CLSTN2: variants seen among roughly 807,000 people sequenced by gnomAD.
CLSTN2 encodes the protein calsyntenin-2.
CLSTN2 carries 48 observed loss-of-function variants against 101.2 expected under a neutral mutation model. The observed-to-expected ratio is 0.47, with a 90% confidence interval of 0.38 to 0.60. The LOEUF (loss-of-function observed/expected upper bound fraction) is 0.60. Among genes scored for constraint, CLSTN2 ranks in the 20% least tolerant of loss-of-function variants. The pLI, the probability that CLSTN2 is intolerant of heterozygous loss-of-function variation, is 0.00. For synonymous variants in CLSTN2, 481 were observed against 463.6 expected, an observed-to-expected ratio of 1.04 and a Z score of -0.48; for missense variants, 1,160 against 1,238.2, an observed-to-expected ratio of 0.94 and a Z score of 0.95.
chr3:140,304,115 T>G (rs2087088040), intron 2 of CLSTN2, among the ~76,000 whole-genome samples: 1 of 152,156 alleles, frequency 6.6e-6, no homozygotes, highest in Non-Finnish European at 1.5e-5. Flanking sequence ...AAACTCGCAG[T>G]GGGAAGATGA....
intron 2 of CLSTN2, among the ~76,000 whole-genome samples, chr3:140,395,544 A>G (rs960954347): frequency 2.0e-5 from 3 of 152,182 alleles, no homozygotes; most frequent in Non-Finnish European, 2.9e-5. Flanking sequence ...TCCCCAACCC[A>G]GATGTGTGAA....
At chr3:139,944,882 TC>T (rs966107739) in intron 1 of CLSTN2, among the ~76,000 whole-genome samples, 8 of 152,362 alleles carry the variant, frequency 5.3e-5, no homozygotes, top group Non-Finnish European at 1.0e-4. Context: ...AATACTCGCT[TC>T]CGCACATGCG....
chr3:140,150,543 G>T (rs1189246695), intron 1 of CLSTN2, among the ~76,000 whole-genome samples: 1 of 152,172 alleles, frequency 6.6e-6, no homozygotes, highest in Non-Finnish European at 1.5e-5. Context: ...GCTCAGAGAA[G>T]TACTTTACCC....
chr3:139,985,188 CT>C (rs2107825591), intron 1 of CLSTN2, among the ~76,000 whole-genome samples: 1 of 152,320 alleles, frequency 6.6e-6, no homozygotes, highest in African/African-American at 2.4e-5. Context: ...ATAAGATTAG[CT>C]CACATTCCTG....
intron 8 of CLSTN2, among the ~76,000 whole-genome samples, chr3:140,476,483 G>A (rs774306134): frequency 3.3e-5 from 5 of 152,190 alleles, no homozygotes; most frequent in Admixed American, 6.5e-5. Flanking sequence ...CAAAACATAC[G>A]TACTCCAAGA....
At chr3:140,541,907 G>T (rs967268384) in intron 9 of CLSTN2, among the ~76,000 whole-genome samples, 1 of 152,140 alleles carries the variant, frequency 6.6e-6, no homozygotes, top group Non-Finnish European at 1.5e-5. Flanking sequence ...CAGAGACTCA[G>T]CTCCAGGCCC....
rs1220044258 is a variant in CLSTN2, at chr3:140,240,164, CTCTCTCTCTCTATA to C, written c.232+64093_232+64106del. On this transcript the variant is annotated intron_variant, in intron 2 of 16. Coordinates refer to ENST00000458420, the MANE Select transcript of CLSTN2 (RefSeq NM_022131.3). ...TCTCTCTCTCTCTGTCTCTCTCTCTCTCTCTCTCTCTATATATATATATATATATATATATACAC... is the reference window on the plus strand; with the variant it reads ...TCTCTCTCTCTCTGTCTCTCTCTCTCTATATATATATATATATATATACAC... Among the ~76,000 whole-genome samples the C allele has an allele frequency of 3.3e-4, 6 of 18,056 alleles. No homozygotes were observed. In the East Asian group the frequency reaches 0.051, roughly 154 times the overall value. 11.8% of individuals were successfully genotyped at this position (18,056 alleles called of 152,430 possible).
intron 2 of CLSTN2, among the ~76,000 whole-genome samples, chr3:140,293,107 A>C (rs2086970019): frequency 6.6e-6 from 1 of 152,242 alleles, no homozygotes. Context: ...TAACAACAGC[A>C]TTCCCAGCCC....
At chr3:140,032,332 CTTTTTTTTTT>C (rs982523156) in intron 1 of CLSTN2, among the ~76,000 whole-genome samples, 2 of 120,386 alleles carry the variant, frequency 1.7e-5, no homozygotes, top group African/African-American at 3.1e-5. Context: ...CTAACAAGTA[CTTTTTTTTTT>C]TTTTTTTTTT....
intron 1 of CLSTN2, among the ~76,000 whole-genome samples, chr3:140,067,962 A>G (rs886210613): frequency 6.6e-6 from 1 of 152,258 alleles, no homozygotes; most frequent in Admixed American, 6.5e-5. Context: ...CACTGCGTGT[A>G]CGAGACTTCT....
chr3:140,556,270 C>T (rs1935788178), intron 10 of CLSTN2, among the ~76,000 whole-genome samples: 2 of 152,186 alleles, frequency 1.3e-5, no homozygotes, highest in Middle Eastern at 3.4e-3. Flanking sequence ...TGGCTCAGAC[C>T]GATATTACCA....
At chr3:139,951,104 T>C (rs1353618084) in intron 1 of CLSTN2, among the ~76,000 whole-genome samples, 1 of 152,170 alleles carries the variant, frequency 6.6e-6, no homozygotes, top group Non-Finnish European at 1.5e-5. Flanking sequence ...CTCACTTTAA[T>C]GCCACTGGTA....
intron 1 of CLSTN2, among the ~76,000 whole-genome samples, chr3:140,057,046 A>G (rs2008110742): frequency 6.6e-6 from 1 of 152,196 alleles, no homozygotes; most frequent in Non-Finnish European, 1.5e-5. Context: ...CAGCTTCAAT[A>G]GGGATTTTCC....
At chr3:140,240,888 A>G (rs1319315612) in intron 2 of CLSTN2, among the ~76,000 whole-genome samples, 2 of 152,084 alleles carry the variant, frequency 1.3e-5, no homozygotes, top group Admixed American at 6.6e-5. Context: ...CCATGAGAGA[A>G]CCTTTTTCTT....
rs533164893 is a variant in CLSTN2, at chr3:140,237,184, C to T, written c.232+61111C>T. The stretch of plus-strand genomic sequence containing the variant: ...TTAAATTATTTGGAATCAGTTTGAG[C>T]TTTTCAAGACTTGTTTTTAAGCATT... On this transcript the variant is annotated intron_variant, in intron 2 of 16. Transcript: ENST00000458420. Among the ~76,000 whole-genome samples, 14 of 152,218 alleles carry T rather than the reference C, an allele frequency of 9.2e-5. No individual in the cohort carries two copies. In the East Asian group the frequency reaches 1.4e-3, roughly 15 times the overall value.
At chr3:140,447,774 ACAACACTCAAAAATGT>A (rs1933120719) in intron 5 of CLSTN2, among the ~76,000 whole-genome samples, 1 of 152,224 alleles carries the variant, frequency 6.6e-6, no homozygotes, top group South Asian at 2.1e-4. Context: ...GGTGAGGGGC[ACAACACTCAAAAATGT>A]CATCGGTGGC....
At chr3:140,444,517 C>T (rs1260371492) in intron 5 of CLSTN2, among the ~76,000 whole-genome samples, 2 of 152,096 alleles carry the variant, frequency 1.3e-5, no homozygotes, top group Non-Finnish European at 2.9e-5. Flanking sequence ...AGATACACTC[C>T]CCCACTGGGT....
intron 2 of CLSTN2, among the ~76,000 whole-genome samples, chr3:140,302,652 C>A (rs2107910718): frequency 6.6e-6 from 1 of 152,298 alleles, no homozygotes; most frequent in Middle Eastern, 3.4e-3. Context: ...TTATTGAGTA[C>A]CTGCCATGTG....
rs1004494831 is a variant in CLSTN2 at position 140,570,685 on chromosome 3, ATC to A, written c.*4434_*4435del. The A allele has an allele frequency of 1.6e-4, 24 of 151,968 alleles. No individual in the cohort carries two copies. The highest frequency in any genetic ancestry group is 2.0e-4 in the Admixed American group (3 of 15,284). 9.4% of individuals were successfully genotyped at this position (151,968 alleles called of 1,614,324 possible). On this transcript the variant is annotated 3_prime_UTR_variant, in exon 17 of 17. Coordinates refer to ENST00000458420, the MANE Select transcript of CLSTN2 (RefSeq NM_022131.3). Reference sequence around the variant, plus strand: ...CAGTTTGGATTTATGTAATTTTCATATCTTTTTTTACCCTTTTGATTTACATT... The same window carrying A: ...CAGTTTGGATTTATGTAATTTTCATATTTTTTTACCCTTTTGATTTACATT...
Sources: allele counts gnomAD v4.1 joint callset (sites outside exome capture counted in the v4.1 genomes callset), GRCh38; gene constraint gnomAD v4.1.1; transcripts MANE v1.5; gene names NCBI Gene and HGNC (gene_info 2026-07-23, HGNC 2026-07-21).